Variants in MIOS observed in about 807,000 individuals in gnomAD.
The protein encoded by MIOS is meiosis regulator for oocyte development.
In MIOS, 52 loss-of-function variants were observed where a neutral mutation model predicts 96.9. That is an observed-to-expected ratio of 0.54 (90% confidence interval 0.43 to 0.68). MIOS has a LOEUF of 0.68. Ranked by LOEUF, MIOS falls within the 30% of genes least tolerant of loss-of-function variation. The pLI, the probability that MIOS is intolerant of heterozygous loss-of-function variation, is 0.00. For synonymous variants in MIOS, 397 were observed against 359.5 expected (o/e 1.10, Z -1.18); for missense variants, 1,005 against 1,052.8 (o/e 0.95, Z 0.63).
intron 11 of MIOS, 130 bp from the exon 12 acceptor site, chr7:7,605,812 C>A: frequency 2.3e-6 from 2 of 874,688 alleles, no homozygotes; most frequent in Admixed American, 5.8e-5. Flanking sequence ...CTAGAACCTA[C>A]CATCAAAATT....
At chr7:7,589,342 T>C in intron 8 of MIOS, 63 bp from the exon 9 acceptor site, 1 of 1,436,002 alleles carries the variant, frequency 7.0e-7, no homozygotes, top group Non-Finnish European at 9.5e-7. Flanking sequence ...CAAAATGTAG[T>C]TTTGAAGTAC....
At chr7:7,569,651 G>T (rs1783283576) in intron 3 of MIOS, among the ~76,000 whole-genome samples, 1 of 152,188 alleles carries the variant, frequency 6.6e-6, no homozygotes, top group Non-Finnish European at 1.5e-5. Context: ...TACTTCACCT[G>T]CTCTCATGGA....
chr7:7,596,364 G>T lies in MIOS; in HGVS notation c.2304G>T (p.Thr768=), dbSNP rs115055951. The T allele has an allele frequency of 1.3e-4, 207 of 1,613,982 alleles. No individual in the cohort carries two copies. Among genetic ancestry groups the T allele is most frequent in the Non-Finnish European group, 1.5e-4 (177 of 1,180,012 alleles). The change falls in exon 11 of 13, where the codon ACG becomes ACT. Residue 768 remains threonine, a synonymous_variant. Transcript: ENST00000340080. ...AGTATGGTGTGAGTGGCTCACCAACGAAATCTAAAGTCACAAGTTGTCCTG... is the reference window on the plus strand; with the variant it reads ...AGTATGGTGTGAGTGGCTCACCAACTAAATCTAAAGTCACAAGTTGTCCTG... The part of the protein sequence containing the change: ...FSQYGVSGSP[T]KSKVTSCPGC...
At chr7:7,568,191 C>G (rs1308634707) in intron 3 of MIOS, 68 bp downstream of exon 3, 1 of 152,152 alleles carries the variant, frequency 6.6e-6, no homozygotes, top group African/African-American at 2.4e-5. Context: ...TTTTTAATGT[C>G]TCCAAAATTT....
At chr7:7,584,539 G>T (rs1449540251) in intron 6 of MIOS, among the ~76,000 whole-genome samples, 1 of 152,010 alleles carries the variant, frequency 6.6e-6, no homozygotes, top group Non-Finnish European at 1.5e-5. Context: ...ATACTTCTTT[G>T]CTATTTTTAT....
At chr7:7,596,487 T>C (rs780427857) in intron 11 of MIOS, 26 bp downstream of exon 11, 14 of 1,571,616 alleles carry the variant, frequency 8.9e-6, no homozygotes, top group Non-Finnish European at 1.2e-5. Context: ...ACAAAATACT[T>C]TTATGAACTG....
intron 9 of MIOS, 44 bp downstream of exon 9, chr7:7,589,607 C>T (rs1783990246): frequency 1.3e-6 from 2 of 1,555,356 alleles, no homozygotes; most frequent in African/African-American, 2.7e-5. Flanking sequence ...TAACAATATT[C>T]TATATTTTCT....
chr7:7,583,744 T>A (rs1783801588), intron 6 of MIOS, among the ~76,000 whole-genome samples: 1 of 152,162 alleles, frequency 6.6e-6, no homozygotes. Context: ...CATATTTGAG[T>A]GTTTTAGTTT....
At chr7:7,570,474 G>C (rs972008635) in intron 3 of MIOS, among the ~76,000 whole-genome samples, 18 of 152,122 alleles carry the variant, frequency 1.2e-4, no homozygotes, top group Admixed American at 1.1e-3. Flanking sequence ...ACGGATGAGG[G>C]GTGGGGGTGT....
At chr7:7,592,657 A>T (rs1365778941) in intron 9 of MIOS, among the ~76,000 whole-genome samples, 2 of 151,950 alleles carry the variant, frequency 1.3e-5, no homozygotes, top group African/African-American at 4.8e-5. Context: ...CAGGCATTAG[A>T]TTCTCATAAG....
intron 5 of MIOS, chr7:7,581,724 TTCTCACAGACCC>T: frequency 6.6e-6 from 1 of 152,276 alleles, no homozygotes; most frequent in Non-Finnish European, 1.5e-5. Flanking sequence ...CCACGTGGCC[TTCTCACAGACCC>T]TCTCAGAGCA....
chr7:7,567,329 T>G (rs1783176551), intron 1 of MIOS: 1 of 151,994 alleles, frequency 6.6e-6, no homozygotes, highest in Non-Finnish European at 1.5e-5. Context: ...GCGGCGGGCT[T>G]GTGGGGAGCG....
At chr7:7,600,513 C>T (rs1052723273) in intron 11 of MIOS, among the ~76,000 whole-genome samples, 1 of 152,112 alleles carries the variant, frequency 6.6e-6, no homozygotes, top group Non-Finnish European at 1.5e-5. Flanking sequence ...ACACGAAGAA[C>T]TAACTATCCT....
At chr7:7,583,012 G>A (rs1343971399) in intron 5 of MIOS, 106 bp from the exon 6 acceptor site, 9 of 1,228,696 alleles carry the variant, frequency 7.3e-6, no homozygotes, top group Middle Eastern at 5.7e-4. Flanking sequence ...AATTATGGCC[G>A]AGAAGTTAAA....
At position 7,583,180 on chromosome 7, in the gene MIOS, TTAAA is replaced by T; in HGVS notation, c.1458_1461del (p.Asn487LysfsTer5). 1 of 1,614,078 alleles carries T rather than the reference TTAAA, an allele frequency of 6.2e-7. No individual in the cohort carries two copies. The highest frequency in any genetic ancestry group is 8.5e-7 in the Non-Finnish European group (1 of 1,179,960). ...GGATAAGCAAAGTGATATTCAAAAT[TTAAA>T]TGAAGAGAGAATCTTAGCTTTACAG... On this transcript the variant is annotated frameshift_variant, in exon 6 of 13. Transcript: ENST00000340080.
At chr7:7,596,166 T>C in intron 10 of MIOS, 91 bp from the exon 11 acceptor site, 3 of 1,122,904 alleles carry the variant, frequency 2.7e-6, no homozygotes, top group Non-Finnish European at 3.8e-6. Context: ...TTTAAAAGTA[T>C]TTAAAAATAA....
At chr7:7,585,888 G>C (rs932436690) in intron 7 of MIOS, 83 bp downstream of exon 7, 4 of 1,232,704 alleles carry the variant, frequency 3.2e-6, no homozygotes, top group Non-Finnish European at 4.4e-6. Flanking sequence ...TCAAATGTCT[G>C]TTGCATAAAA....
intron 5 of MIOS, chr7:7,582,584 C>A (rs1405574864): frequency 1.1e-6 from 1 of 936,880 alleles, no homozygotes; most frequent in Non-Finnish European, 1.3e-6. Flanking sequence ...TTACCTTAAA[C>A]TTTCAAAGTA....
rs1038437671 is a variant in MIOS at position 7,603,504 on chromosome 7, A to G, written c.2402-2438A>G. ...CATCAGAGAAATGCAAATCAAAACC[A>G]CAATGAGATACCATCTCACACCAGT... On this transcript the variant is annotated intron_variant, in intron 11 of 12. Transcript: ENST00000340080. Among the ~76,000 whole-genome samples, 327 of 152,348 alleles carry G rather than the reference A, an allele frequency of 2.1e-3. 3 individuals carry two copies. The highest frequency in any genetic ancestry group is 3.3e-3 in the Non-Finnish European group (227 of 68,034).
Sources: gnomAD v4.1 joint callset for allele counts (sites outside exome capture counted in the v4.1 genomes callset) on GRCh38, gnomAD v4.1.1 for gene constraint, MANE v1.5 for transcripts, NCBI Gene and HGNC (gene_info 2026-07-23, HGNC 2026-07-21) for gene names.